The following TNFSF12 variants were observed in gnomAD, a reference collection of about 807,000 sequenced individuals.
The protein encoded by TNFSF12 is tumor necrosis factor ligand superfamily member 12.
TNFSF12 carries 16 observed loss-of-function variants against 31.2 expected under a neutral mutation model. That is an observed-to-expected ratio of 0.51 (90% CI 0.35 to 0.78). The LOEUF is 0.78. Among genes scored for constraint, TNFSF12 ranks in the 30% least tolerant of loss-of-function variants. TNFSF12 has a pLI of 0.01. For synonymous variants in TNFSF12, 150 were observed against 151.4 expected (o/e 0.99, Z 0.07); for missense variants, 324 against 338.8 (o/e 0.96, Z 0.34).
At position 7,557,553 on chromosome 17, in the gene TNFSF12, C is replaced by G. The variant is rs1392394092; in HGVS notation, c.*203C>G. 17 of 722,504 alleles carry G rather than the reference C, an allele frequency of 2.4e-5. No homozygotes were observed. Among genetic ancestry groups the G allele is most frequent in the Non-Finnish European group, 3.7e-5 (17 of 463,238 alleles). 44.8% of individuals were successfully genotyped at this position (722,504 alleles called of 1,614,324 possible). A position where few individuals can be genotyped will look rare whatever the true frequency, so the allele number is the denominator to read the frequency against. ...CTCTTATCTTACAACTCCCCCACCG[C>G]CCACTCTCCACCTCACTAGCTCCCC... On this transcript the variant is annotated 3_prime_UTR_variant, in exon 7 of 7. Coordinates refer to ENST00000293825, the MANE Select transcript of TNFSF12 (RefSeq NM_003809.3). This position sits in a 1 kb window ranked among gnomAD's most constrained non-coding sequence, Gnocchi z 5.2.
In TNFSF12 at chr17:7,549,485, G is replaced by A. The variant is rs2070974792; in HGVS notation, c.171G>A (p.Gln57=). ...CTCCTTCCCAGCAGGAGCCTGCCCA[G>A]GAGGAGCTGGTGGCAGAGGAGGACC... is the stretch of plus-strand genomic sequence containing the variant. ...RASLSAQEPA[Q]EELVAEEDQD... The change falls in exon 2 of 7, where the codon CAG becomes CAA. Residue 57 remains glutamine (Q), a synonymous_variant. Coordinates refer to ENST00000293825, the MANE Select transcript of TNFSF12 (RefSeq NM_003809.3). The surrounding 1 kb of genome is among the most constrained non-coding windows in gnomAD (Gnocchi z 4.1). 18 of 1,544,892 alleles carry A rather than the reference G, an allele frequency of 1.2e-5. No individual in the cohort carries two copies. The highest frequency in any genetic ancestry group is 1.6e-5 in the Non-Finnish European group (18 of 1,140,620).
chr17:7,549,942 C>A lies in TNFSF12; in HGVS notation c.208-178C>A. On this transcript the variant is annotated intron_variant, in intron 2 of 6. Coordinates refer to ENST00000293825, the MANE Select transcript of TNFSF12 (RefSeq NM_003809.3). The surrounding 1 kb of genome is among the most constrained non-coding windows in gnomAD (Gnocchi z 4.1). Reference sequence around the variant, plus strand: ...GCTGGTCTAGAGGAAAGGGTGAGGACTGGGGCCTGACTCCCAGCTTCACCT... The same window carrying A: ...GCTGGTCTAGAGGAAAGGGTGAGGAATGGGGCCTGACTCCCAGCTTCACCT... 2.4e-6 allele frequency: 2 copies of A among 825,394 alleles called. No individual in the cohort carries two copies. The highest frequency in any genetic ancestry group is 2.5e-5 in the Admixed American group (1 of 40,524). 51.1% of individuals were successfully genotyped at this position (825,394 alleles called of 1,614,324 possible).
chr17:7,553,024 T>TTTCTTTC (rs1491371778), intron 5 of TNFSF12, among the ~76,000 whole-genome samples: 1 of 4,866 alleles, frequency 2.1e-4, no homozygotes, highest in African/African-American at 3.4e-4. Context: ...AGGGACAACC[T>TTTCTTTC]TTTTTTTTTT....
intron 5 of TNFSF12, among the ~76,000 whole-genome samples, chr17:7,551,905 C>T (rs924012277): frequency 6.6e-6 from 1 of 152,148 alleles, no homozygotes; most frequent in African/African-American, 2.4e-5. Context: ...CCCGTCTCAG[C>T]CTTCCAAGTA....
chr17:7,553,733 C>A, intron 5 of TNFSF12: 2 of 1,240,010 alleles, frequency 1.6e-6, no homozygotes, highest in African/African-American at 1.6e-5. Flanking sequence ...CATGCAGGGG[C>A]CACATCCAAA....
At chr17:7,552,573 C>T (rs1396704208) in intron 5 of TNFSF12, among the ~76,000 whole-genome samples, 1 of 152,094 alleles carries the variant, frequency 6.6e-6, no homozygotes, top group Non-Finnish European at 1.5e-5. Context: ...AGGTGATCCG[C>T]CAGCCTCAGC....
At chr17:7,551,113 G>A in intron 5 of TNFSF12, 135 bp downstream of exon 5, 1 of 1,475,386 alleles carries the variant, frequency 6.8e-7, no homozygotes, top group African/African-American at 1.4e-5. Context: ...GGTTCTCTCT[G>A]TGACCCAGGC....
intron 5 of TNFSF12, among the ~76,000 whole-genome samples, chr17:7,555,854 A>G (rs2071055125): frequency 6.6e-6 from 1 of 151,600 alleles, no homozygotes; most frequent in Admixed American, 6.6e-5. Flanking sequence ...TTGAGGGGCT[A>G]TTGCTGTTCA....
At position 7,557,491 on chromosome 17, in the gene TNFSF12, C is replaced by A; in HGVS notation, c.*141C>A. 1 of 1,177,616 alleles carries A rather than the reference C, an allele frequency of 8.5e-7. No homozygotes were observed. Among genetic ancestry groups the A allele is most frequent in the South Asian group, 1.6e-5 (1 of 61,972 alleles). The allele number at this position is 1,177,616 out of a possible 1,614,324, so 72.9% of individuals were successfully genotyped here. A position where few individuals can be genotyped will look rare whatever the true frequency, so the allele number is the denominator to read the frequency against. ...CCTCTAGAGGCTGCCTGGGCCTGTT[C>A]ACGTGTTTTCCATCCCACATAAATA... On this transcript the variant is annotated 3_prime_UTR_variant, in exon 7 of 7. Transcript: ENST00000293825. This position sits in a 1 kb window ranked among gnomAD's most constrained non-coding sequence, Gnocchi z 5.2.
At chr17:7,551,606 C>T (rs1270917079) in intron 5 of TNFSF12, among the ~76,000 whole-genome samples, 1 of 152,162 alleles carries the variant, frequency 6.6e-6, no homozygotes, top group Non-Finnish European at 1.5e-5. Context: ...TTTGCACATA[C>T]CATCCCCCTC....
In TNFSF12 at chr17:7,549,272, C is replaced by G; in HGVS notation, c.119C>G (p.Ala40Gly). The G allele has an allele frequency of 7.2e-7, 1 of 1,398,514 alleles. No homozygotes were observed. Among genetic ancestry groups the G allele is most frequent in the Non-Finnish European group, 9.3e-7 (1 of 1,079,400 alleles). 86.6% of individuals were successfully genotyped at this position (1,398,514 alleles called of 1,614,324 possible). A position where few individuals can be genotyped will look rare whatever the true frequency, so the allele number is the denominator to read the frequency against. Reference sequence around the variant, plus strand: ...CTGGCCTGCCTCGGCCTCCTGCTGGCCGTGGTCAGTTTGGGGAGCCGGGCA... The same window carrying G: ...CTGGCCTGCCTCGGCCTCCTGCTGGGCGTGGTCAGTTTGGGGAGCCGGGCA... ...LALACLGLLL[A>G]VVSLGSRASL... The change falls in exon 1 of 7, where the codon GCC (alanine) becomes GGC (glycine). Residue 40 changes from alanine (A) to glycine (G), a missense_variant. Coordinates refer to ENST00000293825, the MANE Select transcript of TNFSF12 (RefSeq NM_003809.3). This position sits in a 1 kb window ranked among gnomAD's most constrained non-coding sequence, Gnocchi z 4.1.
rs780336500 is a variant in TNFSF12, at chr17:7,550,783, T to C, written c.284-16T>C. The C allele has an allele frequency of 1.2e-6, 2 of 1,607,246 alleles. No homozygotes were observed. The highest frequency in any genetic ancestry group is 2.2e-5 in the South Asian group (2 of 90,886). ...CTAGGGCCCGCTTTGCTCATCTGTCTTTCCTTGATCCTCAGCACCTAAAGG... is the reference window on the plus strand; with the variant it reads ...CTAGGGCCCGCTTTGCTCATCTGTCCTTCCTTGATCCTCAGCACCTAAAGG... On this transcript the variant is annotated splice_polypyrimidine_tract_variant and intron_variant, in intron 3 of 6. Transcript: ENST00000293825. The surrounding 1 kb of genome is among the most constrained non-coding windows in gnomAD (Gnocchi z 4.4).
rs576970957 is a variant in TNFSF12 at position 7,549,848 on chromosome 17, G to A, written c.208-272G>A. On this transcript the variant is annotated intron_variant, in intron 2 of 6. Transcript: ENST00000293825. The surrounding 1 kb of genome is among the most constrained non-coding windows in gnomAD (Gnocchi z 4.1). The stretch of plus-strand genomic sequence containing the variant: ...TCCTCTGTGCGTGGTGACTGGGTGC[G>A]GGCATGTGTGCAATGTGCCAATTGA... 5.6e-5 allele frequency: 34 copies of A among 609,638 alleles called. No individual in the cohort carries two copies. Among genetic ancestry groups the A allele is most frequent in the East Asian group, 1.7e-4 (6 of 36,196 alleles). The allele number at this position is 609,638 out of a possible 1,614,324, so 37.8% of individuals were successfully genotyped here. A position where few individuals can be genotyped will look rare whatever the true frequency, so the allele number is the denominator to read the frequency against.
rs59248137 is a variant in TNFSF12 at position 7,555,973 on chromosome 17, GTT to G, written c.374-798_374-797del. On this transcript the variant is annotated intron_variant, in intron 5 of 6. Transcript: ENST00000293825. ...GTGGAAATAAAAATGCCCAGTGAGC[GTT>G]TTTTTTGTTTTTTTTTTTTTTTGGA... is the stretch of plus-strand genomic sequence containing the variant. Among the ~76,000 whole-genome samples the G allele has an allele frequency of 5.6e-4, 40 of 70,870 alleles. 2 individuals carry two copies. Among genetic ancestry groups the G allele is most frequent in the African/African-American group, 1.0e-3 (18 of 17,536 alleles). The allele number at this position is 70,870 out of a possible 152,430, so 46.5% of individuals were successfully genotyped here. A position where few individuals can be genotyped will look rare whatever the true frequency, so the allele number is the denominator to read the frequency against.
chr17:7,557,061 G>A lies in TNFSF12; in HGVS notation c.499-38G>A, dbSNP rs547382735. The A allele has an allele frequency of 1.5e-5, 23 of 1,580,548 alleles. No individual in the cohort carries two copies. In the South Asian group the frequency reaches 2.4e-4, roughly 16 times the overall value. ...GAAATTGGAAATTGAGGCGAGGGCA[G>A]GCAGAGGCCTGGACTCGGCCTGTTG... is the stretch of plus-strand genomic sequence containing the variant. On this transcript the variant is annotated intron_variant, in intron 6 of 6. Transcript: ENST00000293825. This position sits in a 1 kb window ranked among gnomAD's most constrained non-coding sequence, Gnocchi z 5.2.
rs551460083 is a variant in TNFSF12 at position 7,556,770 on chromosome 17, G to A, written c.374-8G>A. 19 of 1,503,686 alleles carry A rather than the reference G, an allele frequency of 1.3e-5. No homozygotes were observed. The highest frequency in any genetic ancestry group is 1.6e-5 in the Non-Finnish European group (18 of 1,125,046). The allele number at this position is 1,503,686 out of a possible 1,614,324, so 93.1% of individuals were successfully genotyped here. On this transcript the variant is annotated splice_polypyrimidine_tract_variant and splice_region_variant and intron_variant, in intron 5 of 6. Coordinates refer to ENST00000293825, the MANE Select transcript of TNFSF12 (RefSeq NM_003809.3). ...GACGTTTCCTTATCTCTGAGCATCC[G>A]TGTTCAGGTGTGGACGGGACAGTGA...
In TNFSF12 at chr17:7,557,093, C is replaced by T; in HGVS notation, c.499-6C>T. Reference sequence around the variant, plus strand: ...GCCTGGACTCGGCCTGTTGTCCCCACCCCAGGTGCACTTTGATGAGGGGAA... The same window carrying T: ...GCCTGGACTCGGCCTGTTGTCCCCATCCCAGGTGCACTTTGATGAGGGGAA... On this transcript the variant is annotated splice_region_variant and splice_polypyrimidine_tract_variant and intron_variant, in intron 6 of 6. Transcript: ENST00000293825. This position sits in a 1 kb window ranked among gnomAD's most constrained non-coding sequence, Gnocchi z 5.2. 2 of 1,608,148 alleles carry T rather than the reference C, an allele frequency of 1.2e-6. No homozygotes were observed. Among genetic ancestry groups the T allele is most frequent in the Non-Finnish European group, 1.7e-6 (2 of 1,176,018 alleles).
chr17:7,552,839 T>C (rs1455637293), intron 5 of TNFSF12, among the ~76,000 whole-genome samples: 1 of 152,060 alleles, frequency 6.6e-6, no homozygotes, highest in Non-Finnish European at 1.5e-5. Context: ...GATGTGGCTG[T>C]CTGTGTTGAA....
In TNFSF12 at chr17:7,550,962, G is replaced by A. The variant is rs147826685; in HGVS notation, c.357G>A (p.Gln119=). Residue 119 remains glutamine, a synonymous_variant, in exon 5 of 7, where the codon CAG becomes CAA. Coordinates refer to ENST00000293825, the MANE Select transcript of TNFSF12 (RefSeq NM_003809.3). This position sits in a 1 kb window ranked among gnomAD's most constrained non-coding sequence, Gnocchi z 4.4. ...TTACAGTTCATCCACGACCTGGACAGGACGGAGCGCAGGCAGGTGAGACCC... is the reference window on the plus strand; with the variant it reads ...TTACAGTTCATCCACGACCTGGACAAGACGGAGCGCAGGCAGGTGAGACCC... ...AHYEVHPRPG[Q]DGAQAGVDGT... 1.3e-3 allele frequency: 2,090 copies of A among 1,614,078 alleles called. 5 individuals carry two copies. The highest frequency in any genetic ancestry group is 1.6e-3 in the Non-Finnish European group (1,924 of 1,180,014).
Sources: gnomAD v4.1 joint callset for allele counts (sites outside exome capture counted in the v4.1 genomes callset) on GRCh38, gnomAD v4.1.1 for gene constraint, Gnocchi (gnomAD v3.1) non-coding constraint, MANE v1.5 for transcripts, NCBI Gene and HGNC (gene_info 2026-07-23, HGNC 2026-07-21) for gene names.